The following BCKDHB variants were observed in gnomAD, a reference collection of about 807,000 sequenced individuals.
BCKDHB encodes the protein branched chain keto acid dehydrogenase E1 subunit beta, also known as 2-oxoisovalerate dehydrogenase subunit beta, mitochondrial.
Under a neutral mutation model 48.5 loss-of-function variants are expected in BCKDHB, and 41 were observed. The ratio of observed to expected loss-of-function variants is 0.85; its 90% CI spans 0.66 to 1.10. The LOEUF is 1.10. Among genes scored for constraint, BCKDHB ranks in the 50% least tolerant of loss-of-function variants. The pLI is 0.00. For synonymous variants in BCKDHB, 201 were observed against 174.8 expected, an observed-to-expected ratio of 1.15 and a Z score of -1.18; for missense variants, 496 against 494.2, an observed-to-expected ratio of 1.00 and a Z score of -0.03.
At chr6:80,289,100 G>T (rs774369008) in intron 9 of BCKDHB, among the ~76,000 whole-genome samples, 4 of 152,166 alleles carry the variant, frequency 2.6e-5, no homozygotes, top group Non-Finnish European at 5.9e-5. Context: ...GCCAATTCAT[G>T]TATATCTAGA....
the BCKDHB span, among the ~76,000 whole-genome samples, chr6:80,427,796 C>T: frequency 2.0e-5 from 3 of 152,092 alleles, no homozygotes; most frequent in Admixed American, 2.0e-4. Flanking sequence ...GTTCTGCTTG[C>T]CTACTTCTTG....
chr6:80,268,157 C>T (rs892866349), intron 8 of BCKDHB, among the ~76,000 whole-genome samples: 2 of 151,966 alleles, frequency 1.3e-5, no homozygotes, highest in Non-Finnish European at 2.9e-5. Context: ...GTTTGCTAAC[C>T]TGTGATTAAT....
intron 8 of BCKDHB, among the ~76,000 whole-genome samples, chr6:80,246,354 A>G (rs966647667): frequency 6.6e-6 from 1 of 151,854 alleles, no homozygotes; most frequent in East Asian, 1.9e-4. Context: ...TTAGGTTTTG[A>G]CCTTTGTCTT....
chr6:80,154,936 C>T (rs577815129), intron 3 of BCKDHB, among the ~76,000 whole-genome samples: 5 of 152,038 alleles, frequency 3.3e-5, no homozygotes, highest in Non-Finnish European at 7.4e-5. Flanking sequence ...CTTAGTTTTA[C>T]CCACAAGTTT....
chr6:80,328,016 A>G (rs895844077), intron 9 of BCKDHB, among the ~76,000 whole-genome samples: 38 of 148,972 alleles, frequency 2.6e-4, no homozygotes, highest in African/African-American at 8.5e-4. Context: ...TAAAATGGTC[A>G]CCTGACGACC....
chr6:80,254,444 C>G (rs1776965184), intron 8 of BCKDHB, among the ~76,000 whole-genome samples: 2 of 152,042 alleles, frequency 1.3e-5, no homozygotes, highest in South Asian at 2.1e-4. Context: ...GCCTGTAATC[C>G]TAGCACTTTG....
the BCKDHB span, among the ~76,000 whole-genome samples, chr6:80,418,100 C>A: frequency 3.9e-5 from 6 of 152,122 alleles, no homozygotes; most frequent in Non-Finnish European, 8.8e-5. Flanking sequence ...CTCTTAGATT[C>A]TTTTCTCCAC....
chr6:80,399,112 A>G, the BCKDHB span, among the ~76,000 whole-genome samples: 1 of 152,210 alleles, frequency 6.6e-6, no homozygotes, highest in African/African-American at 2.4e-5. Context: ...ACCTGAAAAT[A>G]ATAAGGGCCA....
chr6:80,346,799 C>G (rs1287238535), downstream of BCKDHB, among the ~76,000 whole-genome samples: 1 of 152,064 alleles, frequency 6.6e-6, no homozygotes, highest in Admixed American at 6.6e-5. Context: ...CCTCTTCTGC[C>G]CTTCACCACA....
At chr6:80,313,785 T>A (rs1768294611) in intron 9 of BCKDHB, among the ~76,000 whole-genome samples, 1 of 152,228 alleles carries the variant, frequency 6.6e-6, no homozygotes, top group South Asian at 2.1e-4. Context: ...TGGTTATTTT[T>A]TGTCTTCTCC....
chr6:80,432,849 A>G, the BCKDHB span, among the ~76,000 whole-genome samples: 1 of 152,016 alleles, frequency 6.6e-6, no homozygotes, highest in Admixed American at 6.6e-5. Flanking sequence ...TTAGTGACCT[A>G]TGGATGGGGT....
rs186965029 is a variant in BCKDHB, at chr6:80,205,750, T to G, written c.951+2538T>G. ...AAAAGCACAGTAGAAAATTCTTGAGTTTTGAAGTGCTTAAGAGACAGAGAC... is the reference window on the plus strand; with the variant it reads ...AAAAGCACAGTAGAAAATTCTTGAGGTTTGAAGTGCTTAAGAGACAGAGAC... On this transcript the variant is annotated intron_variant, in intron 8 of 9. Transcript: ENST00000320393. Among the ~76,000 whole-genome samples the G allele has an allele frequency of 3.8e-4, 58 of 151,304 alleles. No homozygotes were observed. The East Asian group carries it at 9.7e-3, about 25-fold the overall frequency.
intron 3 of BCKDHB, among the ~76,000 whole-genome samples, chr6:80,146,988 C>T (rs1771519286): frequency 6.6e-6 from 1 of 152,074 alleles, no homozygotes; most frequent in Non-Finnish European, 1.5e-5. Context: ...GCAGTTGGCA[C>T]TATGCTTACA....
chr6:80,206,797 A>G (rs563742265), intron 8 of BCKDHB, among the ~76,000 whole-genome samples: 17 of 152,146 alleles, frequency 1.1e-4, no homozygotes, highest in African/African-American at 4.1e-4. Flanking sequence ...TACAATTTGA[A>G]TTCCAGAAAA....
At chr6:80,200,477 T>A (rs1314938080) in intron 6 of BCKDHB, among the ~76,000 whole-genome samples, 2 of 152,234 alleles carry the variant, frequency 1.3e-5, no homozygotes, top group Non-Finnish European at 2.9e-5. Context: ...TTCAGTTTAA[T>A]AAAGTTTTAT....
chr6:80,114,823 G>A (rs540426699), intron 1 of BCKDHB, among the ~76,000 whole-genome samples: 1 of 152,322 alleles, frequency 6.6e-6, no homozygotes, highest in East Asian at 1.9e-4. Flanking sequence ...GCCTGGCTGG[G>A]TTGGAGATAA....
the BCKDHB span, among the ~76,000 whole-genome samples, chr6:80,371,593 T>C: frequency 1.3e-5 from 2 of 152,182 alleles, no homozygotes; most frequent in Admixed American, 1.3e-4. Context: ...CAATGTTATC[T>C]TCTAGAATTT....
At chr6:80,449,898 T>G in the BCKDHB span, among the ~76,000 whole-genome samples, 1 of 152,354 alleles carries the variant, frequency 6.6e-6, no homozygotes, top group Non-Finnish European at 1.5e-5. Context: ...TCTTCTTTTT[T>G]TAACGTTAGT....
chr6:80,335,247 A>G (rs72910214), intron 9 of BCKDHB, among the ~76,000 whole-genome samples: 9 of 144,938 alleles, frequency 6.2e-5, no homozygotes, highest in South Asian at 2.1e-4. Flanking sequence ...AAAAAAAAAA[A>G]GAAGAAAAAT....
Sources: allele counts gnomAD v4.1 joint callset (sites outside exome capture counted in the v4.1 genomes callset), GRCh38; gene constraint gnomAD v4.1.1; transcripts MANE v1.5; gene names NCBI Gene and HGNC (gene_info 2026-07-23, HGNC 2026-07-21).